The following MLYCD variants were observed in gnomAD, a reference collection of about 807,000 sequenced individuals.
MLYCD encodes the protein malonyl-CoA decarboxylase.
MLYCD carries 27 observed loss-of-function variants against 35.8 expected under a neutral mutation model. The observed-to-expected ratio is 0.75, with a 90% CI of 0.56 to 1.04. The LOEUF (loss-of-function observed/expected upper bound fraction) is 1.04. MLYCD is among the 50% of genes least tolerant of loss of function. MLYCD has a pLI of 0.00. For synonymous variants in MLYCD, 403 were observed against 302.4 expected (o/e 1.33, Z -3.45); for missense variants, 917 against 665.1 (o/e 1.38, Z -4.17).
In MLYCD at chr16:83,919,323, G is replaced by C. The variant is rs532450986; in HGVS notation, c.*3834G>C. The C allele has an allele frequency of 1.4e-5, 2 of 143,772 alleles. No homozygotes were observed. Among genetic ancestry groups the C allele is most frequent in the Admixed American group, 7.0e-5 (1 of 14,360 alleles). The allele number at this position is 143,772 out of a possible 1,614,324, so 8.9% of individuals were successfully genotyped here. ...CACAGTGCACAGGAGAACACACACA[G>C]TGCACAGAATTCATGCACACAGTGC... is the stretch of plus-strand genomic sequence containing the variant. On this transcript the variant is annotated 3_prime_UTR_variant, in exon 5 of 5. Coordinates refer to ENST00000262430, the MANE Select transcript of MLYCD (RefSeq NM_012213.3).
At position 83,915,249 on chromosome 16, in the gene MLYCD, C is replaced by T. The variant is rs751083468; in HGVS notation, c.1242C>T (p.Tyr414=). ...TGTATGGAGAGAAGCACCGCGGCTACGCGCTGAACCCCGTGGCCAACTTCC... is the reference window on the plus strand; with the variant it reads ...TGTATGGAGAGAAGCACCGCGGCTATGCGCTGAACCCCGTGGCCAACTTCC... ...WYLYGEKHRG[Y]ALNPVANFHL... is the part of the protein sequence containing the mutation. The change falls in exon 5 of 5, where the codon TAC becomes TAT. Residue 414 remains tyrosine (Y), a synonymous_variant. Coordinates refer to ENST00000262430, the MANE Select transcript of MLYCD (RefSeq NM_012213.3). The T allele has an allele frequency of 1.4e-5, 23 of 1,612,560 alleles. No homozygotes were observed. The highest frequency in any genetic ancestry group is 6.7e-5 in the East Asian group (3 of 44,858).
chr16:83,906,937 G>T (rs774327940), intron 1 of MLYCD, 50 bp from the exon 2 acceptor site: 30 of 1,478,132 alleles, frequency 2.0e-5, no homozygotes, highest in Admixed American at 1.5e-4. Flanking sequence ...ACAGAGATGG[G>T]CTTGATCTGT....
intron 3 of MLYCD, among the ~76,000 whole-genome samples, 194 bp downstream of exon 3, chr16:83,908,476 A>G (rs1034378139): frequency 6.6e-6 from 1 of 151,888 alleles, no homozygotes; most frequent in Non-Finnish European, 1.5e-5. Context: ...ACAGGCAGAC[A>G]GTTATGGAGC....
chr16:83,905,840 C>T (rs1019684776), intron 1 of MLYCD, among the ~76,000 whole-genome samples: 2 of 152,152 alleles, frequency 1.3e-5, no homozygotes, highest in Non-Finnish European at 2.9e-5. Context: ...GTACAGCCAT[C>T]GGGGAACAAC....
Position 83,915,793 on chromosome 16 carries a change from C to G in MLYCD, c.*304C>G, listed in dbSNP as rs1212069217. On this transcript the variant is annotated 3_prime_UTR_variant, in exon 5 of 5. Transcript: ENST00000262430. The stretch of plus-strand genomic sequence containing the variant: ...CTGCCCGGGGCTGGTGCTGTGGTAC[C>G]TACATCTTCAGGAAGCTGTGCAGCC... The G allele has an allele frequency of 2.5e-5, 32 of 1,291,650 alleles. 1 individual carries two copies. The East Asian group carries it at 1.1e-3, about 44-fold the overall frequency. 80.0% of individuals were successfully genotyped at this position (1,291,650 alleles called of 1,614,324 possible). A position where few individuals can be genotyped will look rare whatever the true frequency, so the allele number is the denominator to read the frequency against.
chr16:83,909,615 GTT>G (rs1242112915), intron 3 of MLYCD, among the ~76,000 whole-genome samples: 7 of 141,838 alleles, frequency 4.9e-5, no homozygotes, highest in South Asian at 2.2e-4. Context: ...AGGTGGTGGT[GTT>G]GTGTTTTTTT....
intron 4 of MLYCD, chr16:83,913,092 C>G (rs1048575369): frequency 6.4e-6 from 1 of 156,756 alleles, no homozygotes; most frequent in African/African-American, 2.4e-5. Context: ...AGGGTGTTCA[C>G]TGTGTTGGGG....
At chr16:83,900,713 GTGCAGT>G (rs1906755858) in intron 1 of MLYCD, among the ~76,000 whole-genome samples, 1 of 144,720 alleles carries the variant, frequency 6.9e-6, no homozygotes, top group African/African-American at 2.6e-5. Flanking sequence ...AGTTTGTTAT[GTGCAGT>G]TGGTGTTAAA....
Position 83,916,021 on chromosome 16 carries a change from G to A in MLYCD, c.*532G>A, listed in dbSNP as rs1907373124. ...TCTGAAGCTCATAAATGTATGAGAA[G>A]GTTTGTGATTTTGCACAAGGTGTGT... On this transcript the variant is annotated 3_prime_UTR_variant, in exon 5 of 5. Transcript: ENST00000262430. 1 of 1,005,054 alleles carries A rather than the reference G, an allele frequency of 9.9e-7. No homozygotes were observed. The highest frequency in any genetic ancestry group is 1.2e-6 in the Non-Finnish European group (1 of 839,972). The allele number at this position is 1,005,054 out of a possible 1,614,324, so 62.3% of individuals were successfully genotyped here.
chr16:83,910,126 C>T (rs371805710), intron 3 of MLYCD, among the ~76,000 whole-genome samples: 1 of 151,638 alleles, frequency 6.6e-6, no homozygotes, highest in African/African-American at 2.4e-5. Context: ...CTGAGACAGG[C>T]CTGGAAAGGT....
intron 1 of MLYCD, among the ~76,000 whole-genome samples, chr16:83,900,337 G>C (rs1034342433): frequency 1.3e-5 from 2 of 152,162 alleles, no homozygotes; most frequent in African/African-American, 4.8e-5. Flanking sequence ...CATACTTTGA[G>C]ATTTAAATGA....
At position 83,922,465 on chromosome 16, in the gene MLYCD, C is replaced by G. The variant is rs1261724927; in HGVS notation, c.*6976C>G. 2.0e-5 allele frequency: 3 copies of G among 152,404 alleles called. No homozygotes were observed. Among genetic ancestry groups the G allele is most frequent in the Non-Finnish European group, 4.4e-5 (3 of 68,108 alleles). The allele number at this position is 152,404 out of a possible 1,614,324, so 9.4% of individuals were successfully genotyped here. On this transcript the variant is annotated 3_prime_UTR_variant, in exon 5 of 5. Transcript: ENST00000262430. The stretch of plus-strand genomic sequence containing the variant: ...ACCTGTTCATGGGCTCCTTTTTCTT[C>G]TGAAATGCAGCGTGAGGCACCATGG...
chr16:83,915,288 G>T lies in MLYCD; in HGVS notation c.1281G>T (p.Gly427=). Residue 427 remains glycine, a synonymous_variant, in exon 5 of 5, where the codon GGG becomes GGT. Transcript: ENST00000262430. ...TGGCCAACTTCCACCTGCAGAACGG[G>T]GCGGTGCTGTGGCGCATCAACTGGA... ...NPVANFHLQN[G]AVLWRINWMA... The T allele has an allele frequency of 6.2e-7, 1 of 1,613,500 alleles. No homozygotes were observed. The highest frequency in any genetic ancestry group is 8.5e-7 in the Non-Finnish European group (1 of 1,179,494).
In MLYCD at chr16:83,908,142, C is replaced by G. The variant is rs1295250260; in HGVS notation, c.658C>G (p.Pro220Ala). 6.2e-7 allele frequency: 1 copy of G among 1,614,064 alleles called. No individual in the cohort carries two copies. Among genetic ancestry groups the G allele is most frequent in the African/African-American group, 1.3e-5 (1 of 74,918 alleles). ...CCGCCCCAGGGCTGAGGCTGTGCAT[C>G]CTGTAAAAAACTGGATGGACATGAA... ...QKISEAEAVH[P>A]VKNWMDMKRR... Residue 220 changes from proline (P) to alanine (A), a missense_variant, in exon 3 of 5, where the codon CCT becomes GCT. Physicochemically the swap from Pro to Ala is conservative, Grantham distance 27. Transcript: ENST00000262430.
In MLYCD at chr16:83,926,623, T is replaced by G. The variant is rs1211598388; in HGVS notation, c.*11134T>G. 1 of 152,252 alleles carries G rather than the reference T, an allele frequency of 6.6e-6. No individual in the cohort carries two copies. The highest frequency in any genetic ancestry group is 1.5e-5 in the Non-Finnish European group (1 of 68,068). The allele number at this position is 152,252 out of a possible 1,614,324, so 9.4% of individuals were successfully genotyped here. ...CTGTGAACACAAGGACACCTCCGAT[T>G]TCGTCCTGTGAATGTTGATATTAGT... On this transcript the variant is annotated 3_prime_UTR_variant, in exon 5 of 5. Coordinates refer to ENST00000262430, the MANE Select transcript of MLYCD (RefSeq NM_012213.3).
Position 83,915,202 on chromosome 16 carries a change from A to G in MLYCD, c.1195A>G (p.Met399Val). ...KLVRALQTPLMRLCAWYLYGE... is the reference protein window; with the variant it reads ...KLVRALQTPLVRLCAWYLYGE... Reference sequence around the variant, plus strand: ...GGTGCGGGCGCTGCAGACTCCGCTGATGAGGCTGTGCGCCTGGTACCTGTA... The same window carrying G: ...GGTGCGGGCGCTGCAGACTCCGCTGGTGAGGCTGTGCGCCTGGTACCTGTA... Residue 399 changes from methionine to valine, a missense_variant, in exon 5 of 5, where the codon ATG becomes GTG. Transcript: ENST00000262430. 1.2e-6 allele frequency: 2 copies of G among 1,614,088 alleles called. No individual in the cohort carries two copies. The highest frequency in any genetic ancestry group is 1.7e-6 in the Non-Finnish European group (2 of 1,179,916).
intron 1 of MLYCD, among the ~76,000 whole-genome samples, chr16:83,903,007 C>T (rs1906852439): frequency 6.6e-6 from 1 of 152,114 alleles, no homozygotes; most frequent in Non-Finnish European, 1.5e-5. Flanking sequence ...TCCAGAGGCC[C>T]AGTTGGTTGA....
Position 83,903,990 on chromosome 16 carries a change from C to T in MLYCD, c.529-2997C>T, listed in dbSNP as rs754217962. 3.9e-5 allele frequency among the ~76,000 whole-genome samples: 6 copies of T among 152,192 alleles called. No homozygotes were observed. The South Asian group carries it at 6.2e-4, about 16-fold the overall frequency. Reference sequence around the variant, plus strand: ...TCATCCCAGCCTGAACAGCTGCTGCCGGTGTTAGAACTGAGCAACGGAGAC... The same window carrying T: ...TCATCCCAGCCTGAACAGCTGCTGCTGGTGTTAGAACTGAGCAACGGAGAC... On this transcript the variant is annotated intron_variant, in intron 1 of 4. Coordinates refer to ENST00000262430, the MANE Select transcript of MLYCD (RefSeq NM_012213.3).
Position 83,926,889 on chromosome 16 carries a change from A to G in MLYCD, c.*11400A>G, listed in dbSNP as rs1417413287. 1 of 152,240 alleles carries G rather than the reference A, an allele frequency of 6.6e-6. No individual in the cohort carries two copies. Among genetic ancestry groups the G allele is most frequent in the Non-Finnish European group, 1.5e-5 (1 of 68,044 alleles). 9.4% of individuals were successfully genotyped at this position (152,240 alleles called of 1,614,324 possible). On this transcript the variant is annotated 3_prime_UTR_variant, in exon 5 of 5. Transcript: ENST00000262430. ...CCTCTGCTCTGCGCTTGGGCGCTGA[A>G]TGTTAAAATTCCTAACAGGTGAATC...
Sources: allele counts gnomAD v4.1 joint callset (sites outside exome capture counted in the v4.1 genomes callset), GRCh38; gene constraint gnomAD v4.1.1; transcripts MANE v1.5; gene names NCBI Gene and HGNC (gene_info 2026-07-23, HGNC 2026-07-21).